ZEB1: variants seen among roughly 807,000 people sequenced by gnomAD.
ZEB1 encodes zinc finger E-box-binding homeobox 1.
A neutral mutation model predicts 84.9 loss-of-function variants in ZEB1; 21 were observed. The ratio of observed to expected loss-of-function variants is 0.25; its 90% CI spans 0.18 to 0.36. The LOEUF (loss-of-function observed/expected upper bound fraction) is 0.36. Among genes scored for constraint, ZEB1 ranks in the 10% least tolerant of loss-of-function variants. ZEB1 has a pLI of 1.00. For synonymous variants in ZEB1, 420 were observed against 471.1 expected, an observed-to-expected ratio of 0.89 and a Z score of 1.41; for missense variants, 1,104 against 1,330.2, an observed-to-expected ratio of 0.83 and a Z score of 2.65.
chr10:31,485,335 G>T (rs182795678), intron 2 of ZEB1, among the ~76,000 whole-genome samples: 1 of 151,926 alleles, frequency 6.6e-6, no homozygotes, highest in Non-Finnish European at 1.5e-5. Flanking sequence ...TCGTATACAT[G>T]TGGAAACTAA....
At position 31,514,656 on chromosome 10, in the gene ZEB1, A is replaced by G. The variant is rs776126626; in HGVS notation, c.741A>G (p.Gly247=). 1.9e-6 allele frequency: 3 copies of G among 1,612,822 alleles called. No homozygotes were observed. Among genetic ancestry groups the G allele is most frequent in the Non-Finnish European group, 2.5e-6 (3 of 1,179,120 alleles). Residue 247 remains glycine (G), a synonymous_variant, in exon 6 of 9, where the codon GGA becomes GGG. Coordinates refer to ENST00000424869, the MANE Select transcript of ZEB1 (RefSeq NM_001174096.2). ...CNRKFKCTEC[G]KAFKYKHHLK... is the part of the protein sequence containing the mutation. ...GTAAATTCAAATGCACTGAGTGTGG[A>G]AAAGCTTTCAAATACAAACATCACC...
intron 2 of ZEB1, among the ~76,000 whole-genome samples, chr10:31,467,104 C>G (rs564949954): frequency 6.6e-6 from 1 of 152,228 alleles, no homozygotes; most frequent in Non-Finnish European, 1.5e-5. Context: ...TTGCCAGACA[C>G]CTTAGGACCA....
Position 31,464,430 on chromosome 10 carries a change from A to G in ZEB1, c.259+3193A>G, listed in dbSNP as rs116675554. On this transcript the variant is annotated intron_variant, in intron 2 of 8. Coordinates refer to ENST00000424869, the MANE Select transcript of ZEB1 (RefSeq NM_001174096.2). ...ATTCAATACATCTTATGCCAGGAGAAAAGATACTAGGGCAGCAGCCATACT... is the reference window on the plus strand; with the variant it reads ...ATTCAATACATCTTATGCCAGGAGAGAAGATACTAGGGCAGCAGCCATACT... Among the ~76,000 whole-genome samples the G allele has an allele frequency of 6.6e-3, 1,010 of 152,284 alleles. 15 individuals are homozygous for G. Among genetic ancestry groups the G allele is most frequent in the African/African-American group, 0.023 (956 of 41,564 alleles).
At chr10:31,333,337 C>CT (rs1170788236) in intron 1 of ZEB1, among the ~76,000 whole-genome samples, 1 of 152,094 alleles carries the variant, frequency 6.6e-6, no homozygotes, top group Non-Finnish European at 1.5e-5. Context: ...ATTACATTCT[C>CT]TGAGTTTCTG....
Position 31,430,595 on chromosome 10 carries a change from C to T in ZEB1, c.59-30442C>T, listed in dbSNP as rs371902513. On this transcript the variant is annotated intron_variant, in intron 1 of 8. Transcript: ENST00000424869. ...AATGTAATCCTATTTGAACTATGAA[C>T]TTTGAATTTACTTTAATAAAAATAA... Among the ~76,000 whole-genome samples the T allele has an allele frequency of 7.2e-5, 11 of 152,222 alleles. No individual in the cohort carries two copies. The East Asian group carries it at 1.9e-3, about 27-fold the overall frequency.
chr10:31,381,994 GT>G (rs1427826638), intron 1 of ZEB1, among the ~76,000 whole-genome samples: 1 of 123,264 alleles, frequency 8.1e-6, no homozygotes, highest in Non-Finnish European at 1.6e-5. Context: ...CTGGGCGACA[GT>G]GAGACTGTCT....
chr10:31,452,777 T>G (rs1167428072), intron 1 of ZEB1, among the ~76,000 whole-genome samples: 3 of 107,904 alleles, frequency 2.8e-5, no homozygotes, highest in Non-Finnish European at 4.1e-5. Flanking sequence ...GAGAGAGAGA[T>G]GTTATTGTAG....
At chr10:31,511,798 A>G (rs1183333743) in intron 5 of ZEB1, among the ~76,000 whole-genome samples, 4 of 152,170 alleles carry the variant, frequency 2.6e-5, no homozygotes, top group African/African-American at 4.8e-5. Context: ...CCATTTGCTA[A>G]GGTGATGGCT....
intron 1 of ZEB1, among the ~76,000 whole-genome samples, chr10:31,351,262 T>C (rs2041272941): frequency 6.6e-6 from 1 of 152,202 alleles, no homozygotes; most frequent in Non-Finnish European, 1.5e-5. Context: ...AATCTCTTTT[T>C]AGCAAAATAG....
At chr10:31,344,390 C>T (rs1383421070) in intron 1 of ZEB1, among the ~76,000 whole-genome samples, 1 of 151,862 alleles carries the variant, frequency 6.6e-6, no homozygotes. Context: ...AAAATACTTA[C>T]ATATAAATAT....
chr10:31,523,962 A>T lies in ZEB1; in HGVS notation c.2634A>T (p.Gly878=). 6.2e-7 allele frequency: 1 copy of T among 1,613,990 alleles called. No individual in the cohort carries two copies. Residue 878 remains glycine, a synonymous_variant, in exon 8 of 9, where the codon GGA becomes GGT. Transcript: ENST00000424869. The part of the protein sequence containing the change: ...QDERQDTSSE[G]VSNVEDQNDS... ...AAAGACAAGATACTAGCTCAGAAGG[A>T]GTATCAAATGTAGAGGATCAGAATG...
At chr10:31,477,575 A>G (rs368372832) in intron 2 of ZEB1, among the ~76,000 whole-genome samples, 4 of 152,238 alleles carry the variant, frequency 2.6e-5, no homozygotes, top group African/African-American at 9.6e-5. Context: ...AAAAGAACAA[A>G]GCCAGAGACA....
chr10:31,397,380 A>G (rs1386630336), intron 1 of ZEB1, among the ~76,000 whole-genome samples: 1 of 152,000 alleles, frequency 6.6e-6, no homozygotes, highest in Non-Finnish European at 1.5e-5. Context: ...AACCAGAGAT[A>G]GTGGCTATTT....
Position 31,521,742 on chromosome 10 carries a change from G to A in ZEB1, c.2410G>A (p.Ala804Thr), listed in dbSNP as rs148358382. The A allele has an allele frequency of 2.3e-5, 37 of 1,613,934 alleles. No homozygotes were observed. The highest frequency in any genetic ancestry group is 3.3e-5 in the Admixed American group (2 of 59,980). The change falls in exon 7 of 9, where the codon GCT (alanine) becomes ACT (threonine). Residue 804 changes from alanine to threonine, a missense_variant. Physicochemically the swap from Ala to Thr is moderately conservative, Grantham distance 58. Coordinates refer to ENST00000424869, the MANE Select transcript of ZEB1 (RefSeq NM_001174096.2). ...IPPSANPINI[A>T]IPTVTAQLPT... The stretch of plus-strand genomic sequence containing the variant: ...ACCAAGTGCCAACCCCATAAATATC[G>A]CTATACCTACAGTCACTGCCCAGTT...
chr10:31,469,037 TAA>T (rs1348188097), intron 2 of ZEB1, among the ~76,000 whole-genome samples: 7 of 152,130 alleles, frequency 4.6e-5, no homozygotes, highest in Admixed American at 4.6e-4. Context: ...AGAAACAATC[TAA>T]GAGATGAAAG....
chr10:31,488,656 G>A (rs112770105), intron 2 of ZEB1, among the ~76,000 whole-genome samples: 22 of 150,798 alleles, frequency 1.5e-4, no homozygotes, highest in African/African-American at 5.1e-4. Context: ...TCTAGCACAA[G>A]CATTTAATGC....
chr10:31,392,012 T>C (rs2049832460), intron 1 of ZEB1, among the ~76,000 whole-genome samples: 1 of 152,204 alleles, frequency 6.6e-6, no homozygotes. Flanking sequence ...TTAATACTTG[T>C]GAAAATTAAA....
At chr10:31,476,969 A>G (rs146725656) in intron 2 of ZEB1, among the ~76,000 whole-genome samples, 22 of 152,204 alleles carry the variant, frequency 1.4e-4, no homozygotes, top group African/African-American at 5.1e-4. Flanking sequence ...GAATGGGGAA[A>G]CGTTGAAAGC....
intron 2 of ZEB1, among the ~76,000 whole-genome samples, chr10:31,477,320 C>CTA (rs1423912836): frequency 6.6e-6 from 1 of 151,846 alleles, no homozygotes; most frequent in African/African-American, 2.4e-5. Flanking sequence ...AATAAAATAA[C>CTA]TAGGAATACA....
Sources: allele counts gnomAD v4.1 joint callset (sites outside exome capture counted in the v4.1 genomes callset), GRCh38; gene constraint gnomAD v4.1.1; transcripts MANE v1.5; gene names NCBI Gene and HGNC (gene_info 2026-07-23, HGNC 2026-07-21).